The following PKM variants were observed in gnomAD, a reference collection of about 807,000 sequenced individuals.
PKM encodes the protein pyruvate kinase M1/2.
PKM carries 18 observed loss-of-function variants against 49.8 expected under a neutral mutation model. The ratio of observed to expected loss-of-function variants is 0.36; its 90% CI spans 0.25 to 0.54. The LOEUF is 0.54. Among genes scored for constraint, PKM ranks in the 20% least tolerant of loss-of-function variants. The probability of loss-of-function intolerance (pLI) is 0.89; values close to 1 mark genes in which losing one functional copy is unlikely to be tolerated. For synonymous variants in PKM, 239 were observed against 261.8 expected (o/e 0.91, Z 0.84); for missense variants, 508 against 713.8 (o/e 0.71, Z 3.28).
chr15:72,228,002 G>A (rs1596812446), intron 1 of PKM, among the ~76,000 whole-genome samples: 1 of 152,176 alleles, frequency 6.6e-6, no homozygotes, highest in East Asian at 1.9e-4. Flanking sequence ...TAGCTGTTTA[G>A]AGTCACCGCC....
At chr15:72,224,233 T>C (rs1235766642) in intron 1 of PKM, among the ~76,000 whole-genome samples, 1 of 152,170 alleles carries the variant, frequency 6.6e-6, no homozygotes, top group Non-Finnish European at 1.5e-5. Context: ...GCCTCCTTAC[T>C]AGGATTAAAA....
At chr15:72,226,802 T>C (rs1327265605) in intron 1 of PKM, among the ~76,000 whole-genome samples, 1 of 152,220 alleles carries the variant, frequency 6.6e-6, no homozygotes, top group Non-Finnish European at 1.5e-5. Context: ...CCCAGGAGCT[T>C]TGTCTATGGA....
intron 1 of PKM, 102 bp downstream of exon 1, chr15:72,231,014 C>G: frequency 8.1e-7 from 1 of 1,238,482 alleles, no homozygotes; most frequent in Non-Finnish European, 1.1e-6. Flanking sequence ...CCTGCGCCGC[C>G]CTGCCTGCGT....
chr15:72,229,459 A>T, intron 1 of PKM: 1 of 741,358 alleles, frequency 1.3e-6, no homozygotes, highest in South Asian at 1.5e-5. Context: ...GTGGACCTTC[A>T]CTGTCGGCCT....
rs2082206009 is a variant in PKM, at chr15:72,209,920, G to A, written c.379-61C>T. The A allele has an allele frequency of 1.1e-5, 15 of 1,375,550 alleles. No homozygotes were observed. In the South Asian group the frequency reaches 1.7e-4, roughly 16 times the overall value. 85.2% of individuals were successfully genotyped at this position (1,375,550 alleles called of 1,614,324 possible). A position where few individuals can be genotyped will look rare whatever the true frequency, so the allele number is the denominator to read the frequency against. On this transcript the variant is annotated intron_variant, in intron 4 of 10. Transcript: ENST00000335181. ...AGACACCAGTAGCAGCATCACCTCA[G>A]AAGGAATGGAAAAGCTCTTTCCTCC...
intron 3 of PKM, among the ~76,000 whole-genome samples, chr15:72,211,257 C>T (rs1053939828): frequency 2.0e-5 from 3 of 152,062 alleles, no homozygotes; most frequent in African/African-American, 7.2e-5. Context: ...TTAGTAGAGA[C>T]GGGGTTTCAC....
intron 10 of PKM, among the ~76,000 whole-genome samples, 179 bp from the exon 11 acceptor site, chr15:72,199,935 T>C (rs532793163): frequency 3.2e-4 from 48 of 152,244 alleles, no homozygotes; most frequent in African/African-American, 4.1e-4. Flanking sequence ...AATGTCCTTA[T>C]CACTCAGATG....
chr15:72,209,945 C>G, intron 4 of PKM, 86 bp from the exon 5 acceptor site: 1 of 1,145,086 alleles, frequency 8.7e-7, no homozygotes, highest in East Asian at 2.3e-5. Context: ...CTCTTTCCTC[C>G]CGGGAACAAT....
At chr15:72,224,918 T>TAA (rs2140795106) in intron 1 of PKM, among the ~76,000 whole-genome samples, 1 of 96,216 alleles carries the variant, frequency 1.0e-5, no homozygotes, top group Non-Finnish European at 1.8e-5. Context: ...TTAATTTCTT[T>TAA]TTTCTTTTTT....
Position 72,219,128 on chromosome 15 carries a change from GAA to G in PKM, c.-13-20_-13-19del. On this transcript the variant is annotated intron_variant, in intron 1 of 10. Coordinates refer to ENST00000335181, the MANE Select transcript of PKM (RefSeq NM_002654.6). ...CTGAGGTCCTGGGTCGAGACAAATT[GAA>G]AGAGAGTGGTAAGACTGAGAAGTGG... is the stretch of plus-strand genomic sequence containing the variant. 1 of 1,607,496 alleles carries G rather than the reference GAA, an allele frequency of 6.2e-7. No homozygotes were observed. Among genetic ancestry groups the G allele is most frequent in the Non-Finnish European group, 8.5e-7 (1 of 1,175,106 alleles).
Position 72,202,946 on chromosome 15 carries a change from C to T in PKM, c.1141-326G>A. On this transcript the variant is annotated intron_variant, in intron 8 of 10. Coordinates refer to ENST00000335181, the MANE Select transcript of PKM (RefSeq NM_002654.6). This position sits in a 1 kb window ranked among gnomAD's most constrained non-coding sequence, Gnocchi z 4.5. Reference sequence around the variant, plus strand: ...TCTGTGCCCAGATGCCAGGTTGGGCCTGGCTGTCTTCTCCTAGAGCAGGTG... The same window carrying T: ...TCTGTGCCCAGATGCCAGGTTGGGCTTGGCTGTCTTCTCCTAGAGCAGGTG... The T allele has an allele frequency of 6.8e-7, 1 of 1,467,434 alleles. No individual in the cohort carries two copies. The highest frequency in any genetic ancestry group is 1.7e-5 in the Admixed American group (1 of 59,804). The allele number at this position is 1,467,434 out of a possible 1,614,324, so 90.9% of individuals were successfully genotyped here. A position where few individuals can be genotyped will look rare whatever the true frequency, so the allele number is the denominator to read the frequency against.
chr15:72,218,825 A>G, intron 2 of PKM, 119 bp downstream of exon 2: 3 of 1,013,666 alleles, frequency 3.0e-6, no homozygotes, highest in Non-Finnish European at 4.6e-6. Context: ...CTTTCATAAG[A>G]ATCTGTGTAG....
intron 8 of PKM, among the ~76,000 whole-genome samples, chr15:72,205,627 T>C (rs952986982): frequency 0.24 from 2,841 of 11,630 alleles, 79 homozygotes; most frequent in African/African-American, 0.31. Flanking sequence ...TGTTTTAGTT[T>C]TTTTTTTTTT....
intron 1 of PKM, among the ~76,000 whole-genome samples, chr15:72,226,091 A>G (rs149725889): frequency 2.6e-5 from 4 of 152,314 alleles, no homozygotes; most frequent in Non-Finnish European, 5.9e-5. Context: ...AACGTTTACA[A>G]CATCTCTATT....
intron 2 of PKM, among the ~76,000 whole-genome samples, chr15:72,217,881 T>C (rs2082414946): frequency 6.6e-6 from 1 of 152,202 alleles, no homozygotes; most frequent in African/African-American, 2.4e-5. Context: ...AAGGAAAACA[T>C]CTTCTAAATT....
At chr15:72,209,471 C>G in intron 5 of PKM, 1 of 350,146 alleles carries the variant, frequency 2.9e-6, no homozygotes, top group Non-Finnish European at 5.3e-6. Flanking sequence ...ATGTATGTTC[C>G]TGTGTTCTCC....
chr15:72,201,056 G>A lies in PKM; in HGVS notation c.1308-401C>T, dbSNP rs568448133. On this transcript the variant is annotated intron_variant, in intron 9 of 10. Transcript: ENST00000335181. Reference sequence around the variant, plus strand: ...ATGACAGTGACAAGCCAAGCAGCACGTGACTAGCACCTGACTCTTGACATC... The same window carrying A: ...ATGACAGTGACAAGCCAAGCAGCACATGACTAGCACCTGACTCTTGACATC... 4.1e-5 allele frequency: 8 copies of A among 193,962 alleles called. No individual in the cohort carries two copies. In the South Asian group the frequency reaches 7.4e-4, roughly 18 times the overall value. 12.0% of individuals were successfully genotyped at this position (193,962 alleles called of 1,614,324 possible).
chr15:72,228,039 A>G (rs933913040), intron 1 of PKM, among the ~76,000 whole-genome samples: 2 of 152,226 alleles, frequency 1.3e-5, no homozygotes, highest in African/African-American at 4.8e-5. Flanking sequence ...CACTGGGGGT[A>G]CGGTTCTTAA....
At chr15:72,227,955 C>T (rs962661910) in intron 1 of PKM, among the ~76,000 whole-genome samples, 1 of 152,088 alleles carries the variant, frequency 6.6e-6, no homozygotes, top group African/African-American at 2.4e-5. Flanking sequence ...ATCAGTGTCA[C>T]AACATTCAAG....
Sources: allele counts gnomAD v4.1 joint callset (sites outside exome capture counted in the v4.1 genomes callset), GRCh38; gene constraint gnomAD v4.1.1; non-coding constraint Gnocchi (gnomAD v3.1); transcripts MANE v1.5; gene names NCBI Gene and HGNC (gene_info 2026-07-23, HGNC 2026-07-21).